DDB1: variants seen among roughly 807,000 people sequenced by gnomAD.
The protein encoded by DDB1 is damage specific DNA binding protein 1, also known as DNA damage-binding protein 1.
Under a neutral mutation model 133.1 loss-of-function variants are expected in DDB1, and 18 were observed. The ratio of observed to expected loss-of-function variants is 0.14; its 90% CI spans 0.09 to 0.20. The LOEUF (loss-of-function observed/expected upper bound fraction) is 0.20. Ranked by LOEUF, DDB1 falls within the 10% of genes least tolerant of loss-of-function variation. DDB1 has a pLI of 1.00. For missense variants in DDB1, 828 were observed against 1,459.2 expected, an observed-to-expected ratio of 0.57 and a Z score of 7.05; for synonymous variants, 580 against 550.5, an observed-to-expected ratio of 1.05 and a Z score of -0.75.
intron 8 of DDB1, 196 bp from the exon 9 acceptor site, chr11:61,322,608 A>G: frequency 1.7e-6 from 1 of 582,524 alleles, no homozygotes; most frequent in Non-Finnish European, 3.1e-6. Context: ...TTAATCAGCC[A>G]AGGATTGCTG....
At position 61,299,864 on chromosome 11, in the gene DDB1, A is replaced by T. The variant is rs1412290795; in HGVS notation, c.*272T>A. 3 of 524,174 alleles carry T rather than the reference A, an allele frequency of 5.7e-6. No individual in the cohort carries two copies. The highest frequency in any genetic ancestry group is 1.0e-5 in the Non-Finnish European group (3 of 288,442). 32.5% of individuals were successfully genotyped at this position (524,174 alleles called of 1,614,324 possible). On this transcript the variant is annotated 3_prime_UTR_variant, in exon 27 of 27. Coordinates refer to ENST00000301764, the MANE Select transcript of DDB1 (RefSeq NM_001923.5). Reference sequence around the variant, plus strand: ...CAAAATCCTTCCCCGGAAGGAGGACAACTGGCAACACCAATCAAGGCTTGG... The same window carrying T: ...CAAAATCCTTCCCCGGAAGGAGGACTACTGGCAACACCAATCAAGGCTTGG...
chr11:61,312,053 T>C lies in DDB1; in HGVS notation c.2101A>G (p.Ile701Val), dbSNP rs779899432. 4 of 1,614,132 alleles carry C rather than the reference T, an allele frequency of 2.5e-6. No homozygotes were observed. Among genetic ancestry groups the C allele is most frequent in the Admixed American group, 1.7e-5 (1 of 60,020 alleles). The change falls in exon 17 of 27, where the codon ATT becomes GTT. Residue 701 changes from isoleucine (I) to valine (V), a missense_variant. Ile to Val is a conservative substitution (Grantham distance 29). Around this residue, in one of 7 missense-constraint regions of DDB1, gnomAD observed 396 missense variants for 554.1 expected, o/e 0.71. Transcript: ENST00000301764. ...LALANNSTLT[I>V]GTIDEIQKLH... ...TTCTGGATCTCATCGATGGTGCCAA[T>C]GGTGAGGGTGCTATTGTTGGCCAGC...
At chr11:61,306,088 C>T (rs918277040) in intron 21 of DDB1, among the ~76,000 whole-genome samples, 10 of 152,180 alleles carry the variant, frequency 6.6e-5, no homozygotes, top group African/African-American at 2.4e-4. Flanking sequence ...TATAATATTT[C>T]TATTGGCTGG....
At chr11:61,331,778 C>G in intron 1 of DDB1, 87 bp from the exon 2 acceptor site, 1 of 1,543,736 alleles carries the variant, frequency 6.5e-7, no homozygotes, top group Non-Finnish European at 8.9e-7. Flanking sequence ...GTCTAAATAC[C>G]TCCAGAATTC....
At chr11:61,310,040 G>A in intron 19 of DDB1, 80 bp from the exon 20 acceptor site, 1 of 1,585,252 alleles carries the variant, frequency 6.3e-7, no homozygotes, top group Non-Finnish European at 8.7e-7. Context: ...TCTGAGGCCT[G>A]TGGCTTAGGC....
chr11:61,305,293 G>C (rs1163316453), intron 21 of DDB1, among the ~76,000 whole-genome samples: 2 of 152,324 alleles, frequency 1.3e-5, no homozygotes, highest in East Asian at 3.9e-4. Context: ...CGGATCACGA[G>C]GTCAGGAGAT....
At chr11:61,317,005 G>T (rs1167994257) in intron 10 of DDB1, among the ~76,000 whole-genome samples, 4 of 93,424 alleles carry the variant, frequency 4.3e-5, no homozygotes, top group Non-Finnish European at 7.1e-5. Flanking sequence ...ATATAGACAT[G>T]GCAGCCTGAC....
At chr11:61,326,077 T>G (rs971645399) in intron 5 of DDB1, 1 of 310,106 alleles carries the variant, frequency 3.2e-6, no homozygotes, top group African/African-American at 2.2e-5. Context: ...TTAGCTTAAC[T>G]TCCCCCCATT....
rs373167984 is a variant in DDB1 at position 61,300,135 on chromosome 11, G to C, written c.*1C>G. On this transcript the variant is annotated 3_prime_UTR_variant, in exon 27 of 27. Transcript: ENST00000301764. Reference sequence around the variant, plus strand: ...TCAGCAAAGGGGCCCCCTGCCCTTGGCTAATGGATCCGAGTTAGCTCCTCC... The same window carrying C: ...TCAGCAAAGGGGCCCCCTGCCCTTGCCTAATGGATCCGAGTTAGCTCCTCC... 14 of 1,613,956 alleles carry C rather than the reference G, an allele frequency of 8.7e-6. No homozygotes were observed. The highest frequency in any genetic ancestry group is 1.3e-5 in the African/African-American group (1 of 74,938).
intron 22 of DDB1, among the ~76,000 whole-genome samples, chr11:61,303,581 G>A (rs1043343384): frequency 2.0e-5 from 3 of 151,428 alleles, no homozygotes; most frequent in Admixed American, 6.6e-5. Flanking sequence ...CCAGCTACTC[G>A]TAGTCCCAGT....
chr11:61,331,514 C>T (rs1202483206), intron 2 of DDB1, 29 bp downstream of exon 2: 43 of 1,606,642 alleles, frequency 2.7e-5, no homozygotes, highest in Non-Finnish European at 3.7e-5. Flanking sequence ...AGTTCCCCCT[C>T]CACTGCTTGT....
intron 4 of DDB1, among the ~76,000 whole-genome samples, chr11:61,328,639 G>A (rs1433193147): frequency 2.0e-5 from 3 of 152,180 alleles, no homozygotes; most frequent in Non-Finnish European, 4.4e-5. Context: ...TTGGGAGGCC[G>A]AGGCAGGCGG....
intron 25 of DDB1, 198 bp from the exon 26 acceptor site, chr11:61,301,130 T>A: frequency 1.4e-6 from 1 of 695,938 alleles, no homozygotes; most frequent in South Asian, 2.0e-5. Flanking sequence ...TGGTTCTCAA[T>A]TGGGGTGATC....
At position 61,312,008 on chromosome 11, in the gene DDB1, G is replaced by A. The variant is rs1219853323; in HGVS notation, c.2146C>T (p.Pro716Ser). ...CCTCACCTTGGAGACTCATAGAGGGGAACTGTGCGAATGTGCAGCTTCTGG... is the reference window on the plus strand; with the variant it reads ...CCTCACCTTGGAGACTCATAGAGGGAAACTGTGCGAATGTGCAGCTTCTGG... ...EIQKLHIRTV[P>S]LYESPRKICY... Residue 716 changes from proline (P) to serine (S), a missense_variant, in exon 17 of 27, where the codon CCC (proline) becomes TCC (serine). This residue lies in a region of DDB1 where 396 missense variants were observed against 554.1 expected (regional missense o/e 0.71). Transcript: ENST00000301764. 6.8e-6 allele frequency: 11 copies of A among 1,614,104 alleles called. No homozygotes were observed. The highest frequency in any genetic ancestry group is 9.3e-6 in the Non-Finnish European group (11 of 1,180,046).
chr11:61,308,918 G>C (rs1855916753), intron 21 of DDB1, 65 bp downstream of exon 21: 2 of 1,518,048 alleles, frequency 1.3e-6, no homozygotes, highest in Non-Finnish European at 1.8e-6. Flanking sequence ...GACAACCTAA[G>C]AGAGACACAT....
Position 61,325,674 on chromosome 11 carries a change from T to A in DDB1, c.699A>T (p.Gly233=). 6.2e-7 allele frequency: 1 copy of A among 1,613,610 alleles called. No homozygotes were observed. Among genetic ancestry groups the A allele is most frequent in the Non-Finnish European group, 8.5e-7 (1 of 1,179,806 alleles). ...PEPFGGAIII[G]QESITYHNGD... ...CATTGTGATAGGTGATTGACTCCTG[T>A]CCAATGATGATGGCCCCCCCAAAGG... The change falls in exon 6 of 27, where the codon GGA becomes GGT. Residue 233 remains glycine (G), a synonymous_variant. Coordinates refer to ENST00000301764, the MANE Select transcript of DDB1 (RefSeq NM_001923.5).
chr11:61,328,500 G>A (rs751000402), intron 4 of DDB1, among the ~76,000 whole-genome samples: 6 of 152,064 alleles, frequency 3.9e-5, no homozygotes, highest in Non-Finnish European at 4.4e-5. Context: ...CCCCACCCCC[G>A]CTTAACAGAT....
At chr11:61,329,332 A>G in intron 4 of DDB1, 31 bp downstream of exon 4, 16 of 1,604,476 alleles carry the variant, frequency 1.0e-5, no homozygotes, top group Non-Finnish European at 1.4e-5. Context: ...TCAACCTCAC[A>G]GTTTCTCGCT....
In DDB1 at chr11:61,311,799, G is replaced by A. The variant is rs753044755; in HGVS notation, c.2262C>T (p.Pro754=). Residue 754 remains proline, a synonymous_variant, in exon 18 of 27, where the codon CCC becomes CCT. Transcript: ENST00000301764. The stretch of plus-strand genomic sequence containing the variant: ...CTGCCCTTACCTGGGTGCTAGCGCT[G>A]GGCCTCAAGGCTGTCGTGCCCCCAC... ...DTSGGTTALR[P]SASTQALSSS... 3 of 1,613,092 alleles carry A rather than the reference G, an allele frequency of 1.9e-6. No individual in the cohort carries two copies. The highest frequency in any genetic ancestry group is 2.5e-6 in the Non-Finnish European group (3 of 1,179,692).
Sources: allele counts gnomAD v4.1 joint callset (sites outside exome capture counted in the v4.1 genomes callset), GRCh38; gene constraint gnomAD v4.1.1; regional missense constraint gnomAD v4.1.1; transcripts MANE v1.5; gene names NCBI Gene and HGNC (gene_info 2026-07-23, HGNC 2026-07-21).